Variants in UNC13C observed in about 807,000 individuals in gnomAD.
UNC13C encodes protein unc-13 homolog C.
UNC13C carries 174 observed loss-of-function variants against 245.4 expected under a neutral mutation model. That is an observed-to-expected ratio of 0.71 (90% CI 0.63 to 0.80). The LOEUF (loss-of-function observed/expected upper bound fraction) is 0.80, where lower values mean the gene tolerates loss of function less well. Among genes scored for constraint, UNC13C ranks in the 30% least tolerant of loss-of-function variants. The pLI, the probability that UNC13C is intolerant of heterozygous loss-of-function variation, is 0.00. For missense variants in UNC13C, 2,829 were observed against 2,602.9 expected, an observed-to-expected ratio of 1.09 and a Z score of -1.89; for synonymous variants, 992 against 895.1, an observed-to-expected ratio of 1.11 and a Z score of -1.93.
chr15:54,290,700 A>G (rs1355538696), intron 10 of UNC13C, among the ~76,000 whole-genome samples: 1 of 152,218 alleles, frequency 6.6e-6, no homozygotes, highest in Admixed American at 6.5e-5. Context: ...TTAACCACTT[A>G]ATACACCTTT....
chr15:54,024,036 T>C (rs989352159), intron 2 of UNC13C, among the ~76,000 whole-genome samples: 7 of 152,180 alleles, frequency 4.6e-5, no homozygotes, highest in Non-Finnish European at 7.4e-5. Context: ...TGGTGTAAGA[T>C]AGCAAAGGAT....
At chr15:54,096,577 G>T (rs1338646838) in intron 2 of UNC13C, among the ~76,000 whole-genome samples, 1 of 152,106 alleles carries the variant, frequency 6.6e-6, no homozygotes, top group Non-Finnish European at 1.5e-5. Context: ...CTCCCCAGCT[G>T]CCAGAGTACC....
intron 30 of UNC13C, among the ~76,000 whole-genome samples, chr15:54,600,215 G>A (rs1040400210): frequency 4.6e-5 from 7 of 152,062 alleles, no homozygotes; most frequent in African/African-American, 1.7e-4. Context: ...TCAGAACGTG[G>A]TAGGCCCTGG....
intron 19 of UNC13C, among the ~76,000 whole-genome samples, chr15:54,458,357 C>A (rs1345952329): frequency 6.6e-6 from 1 of 152,008 alleles, no homozygotes; most frequent in Non-Finnish European, 1.5e-5. Context: ...AATGTATATT[C>A]TGCAGTTGTT....
At chr15:54,151,905 C>T (rs1470641863) in intron 4 of UNC13C, among the ~76,000 whole-genome samples, 2 of 152,086 alleles carry the variant, frequency 1.3e-5, no homozygotes, top group African/African-American at 4.8e-5. Flanking sequence ...AGGTGACTGC[C>T]GATAAAAACA....
At chr15:54,515,601 A>G (rs1200880990) in intron 24 of UNC13C, among the ~76,000 whole-genome samples, 1 of 152,178 alleles carries the variant, frequency 6.6e-6, no homozygotes, top group African/African-American at 2.4e-5. Context: ...AACTCTAAAG[A>G]ACTTGTGTTA....
intron 4 of UNC13C, among the ~76,000 whole-genome samples, chr15:54,215,139 G>C (rs185574312): frequency 1.8e-4 from 28 of 151,690 alleles, no homozygotes; most frequent in African/African-American, 6.3e-4. Context: ...CAAACAATGT[G>C]TAAAGAAAAT....
intron 4 of UNC13C, among the ~76,000 whole-genome samples, chr15:54,165,960 G>C (rs1263083653): frequency 6.6e-6 from 1 of 151,194 alleles, no homozygotes; most frequent in African/African-American, 2.4e-5. Flanking sequence ...CTTATTTCTT[G>C]CCATTTGCAT....
rs147154665 is a variant in UNC13C, at chr15:54,133,732, C to T, written c.2984-9286C>T. Among the ~76,000 whole-genome samples, 533 of 152,082 alleles carry T rather than the reference C, an allele frequency of 3.5e-3. 6 individuals are homozygous for T. The highest frequency in any genetic ancestry group is 0.013 in the African/African-American group (524 of 41,482). ...TGTAGAATAAAAGGCAATTTATCAG[C>T]GAACAAAGACTGTGTGTATATGTGT... is the stretch of plus-strand genomic sequence containing the variant. On this transcript the variant is annotated intron_variant, in intron 2 of 32. Transcript: ENST00000260323.
At chr15:54,069,720 A>C (rs890283928) in intron 2 of UNC13C, among the ~76,000 whole-genome samples, 1 of 152,212 alleles carries the variant, frequency 6.6e-6, no homozygotes, top group Non-Finnish European at 1.5e-5. Context: ...GAAATCATAC[A>C]AGTTACACTG....
chr15:54,468,796 A>G lies in UNC13C; in HGVS notation c.4934-25812A>G, dbSNP rs187739902. On this transcript the variant is annotated intron_variant, in intron 19 of 32. Transcript: ENST00000260323. Reference sequence around the variant, plus strand: ...ATTTCTGGGCTCTCTATCCTGTTCCATTGCTTAGTATATCTGTTTTTATGT... The same window carrying G: ...ATTTCTGGGCTCTCTATCCTGTTCCGTTGCTTAGTATATCTGTTTTTATGT... 2.9e-3 allele frequency among the ~76,000 whole-genome samples: 439 copies of G among 151,714 alleles called. 2 individuals are homozygous for G. The highest frequency in any genetic ancestry group is 4.8e-3 in the Non-Finnish European group (325 of 67,672).
chr15:54,369,571 C>T (rs938670814), intron 17 of UNC13C, among the ~76,000 whole-genome samples: 4 of 152,000 alleles, frequency 2.6e-5, no homozygotes, highest in Non-Finnish European at 5.9e-5. Context: ...ATACTATCTG[C>T]TATAAAATTA....
At chr15:54,019,364 C>A (rs1340370377) in intron 2 of UNC13C, among the ~76,000 whole-genome samples, 1 of 152,166 alleles carries the variant, frequency 6.6e-6, no homozygotes, top group African/African-American at 2.4e-5. Context: ...GAGATATTCA[C>A]GAGAAACCAG....
intron 2 of UNC13C, among the ~76,000 whole-genome samples, chr15:54,095,491 C>T (rs1413654825): frequency 6.6e-6 from 1 of 152,174 alleles, no homozygotes; most frequent in Non-Finnish European, 1.5e-5. Context: ...CTTTTGTGGT[C>T]CCACTTTGCA....
chr15:54,197,632 G>A (rs1429351623), intron 4 of UNC13C, among the ~76,000 whole-genome samples: 1 of 152,110 alleles, frequency 6.6e-6, no homozygotes, highest in African/African-American at 2.4e-5. Context: ...TGCCTGAAGT[G>A]CATCTTCTGG....
intron 13 of UNC13C, among the ~76,000 whole-genome samples, chr15:54,314,243 A>G (rs2037951999): frequency 6.6e-6 from 1 of 151,894 alleles, no homozygotes; most frequent in Non-Finnish European, 1.5e-5. Context: ...CATGGTGACT[A>G]TAGTTAATAA....
chr15:54,614,100 A>G (rs999360492), intron 30 of UNC13C, among the ~76,000 whole-genome samples: 2 of 152,018 alleles, frequency 1.3e-5, no homozygotes, highest in Non-Finnish European at 2.9e-5. Context: ...ATCAGATACA[A>G]TAATGTTCGT....
chr15:54,270,535 AT>A (rs1290810149), intron 10 of UNC13C, among the ~76,000 whole-genome samples: 1 of 152,178 alleles, frequency 6.6e-6, no homozygotes, highest in East Asian at 1.9e-4. Context: ...TATTATTAGC[AT>A]TAATAACATG....
intron 2 of UNC13C, among the ~76,000 whole-genome samples, chr15:54,056,356 A>G: frequency 6.6e-6 from 1 of 152,232 alleles, no homozygotes; most frequent in African/African-American, 2.4e-5. Flanking sequence ...AAGAAAGGGT[A>G]TCAGCAATGG....
Sources: allele counts gnomAD v4.1 joint callset (sites outside exome capture counted in the v4.1 genomes callset), GRCh38; gene constraint gnomAD v4.1.1; transcripts MANE v1.5; gene names NCBI Gene and HGNC (gene_info 2026-07-23, HGNC 2026-07-21).